The following RAPGEF1 variants were observed in gnomAD, a reference collection of about 807,000 sequenced individuals.
The protein encoded by RAPGEF1 is Rap guanine nucleotide exchange factor 1.
RAPGEF1 carries 33 observed loss-of-function variants against 143.3 expected under a neutral mutation model. That is an observed-to-expected ratio of 0.23 (90% CI 0.17 to 0.31). RAPGEF1 has a LOEUF of 0.31. Among genes scored for constraint, RAPGEF1 ranks in the 10% least tolerant of loss-of-function variants. The pLI is 1.00. For synonymous variants in RAPGEF1, 629 were observed against 676.5 expected (o/e 0.93, Z 1.09); for missense variants, 1,199 against 1,645.4 (o/e 0.73, Z 4.69).
intron 5 of RAPGEF1, among the ~76,000 whole-genome samples, chr9:131,632,949 C>G (rs1018681936): frequency 3.3e-5 from 5 of 152,164 alleles, no homozygotes; most frequent in Admixed American, 3.3e-4. Flanking sequence ...CTCAAGTGAT[C>G]CTCCTACTTT....
chr9:131,664,919 C>T (rs919658792), intron 1 of RAPGEF1, among the ~76,000 whole-genome samples: 1 of 152,166 alleles, frequency 6.6e-6, no homozygotes, highest in Non-Finnish European at 1.5e-5. Flanking sequence ...CTCATTTACA[C>T]AGAAATAAGT....
chr9:131,663,070 T>A (rs1175100295), intron 1 of RAPGEF1, among the ~76,000 whole-genome samples: 1 of 151,952 alleles, frequency 6.6e-6, no homozygotes. Flanking sequence ...TCGTCAACCG[T>A]TAACATTCTG....
intron 1 of RAPGEF1, among the ~76,000 whole-genome samples, chr9:131,711,347 G>C (rs967822201): frequency 6.9e-6 from 1 of 145,604 alleles, no homozygotes; most frequent in Non-Finnish European, 1.5e-5. Context: ...CCACTGCACT[G>C]TGCCTATTAT....
At chr9:131,713,933 T>A (rs2131230353) in intron 1 of RAPGEF1, among the ~76,000 whole-genome samples, 1 of 152,308 alleles carries the variant, frequency 6.6e-6, no homozygotes, top group East Asian at 1.9e-4. Context: ...TTATTTACCC[T>A]CACTAGGGAT....
intron 1 of RAPGEF1, among the ~76,000 whole-genome samples, chr9:131,662,694 A>T (rs544942488): frequency 2.0e-5 from 3 of 152,080 alleles, no homozygotes; most frequent in Non-Finnish European, 2.9e-5. Flanking sequence ...ATGAATCACC[A>T]TGCCTGGCTA....
At chr9:131,705,427 G>C (rs757997912) in intron 1 of RAPGEF1, among the ~76,000 whole-genome samples, 8 of 152,150 alleles carry the variant, frequency 5.3e-5, no homozygotes, top group Non-Finnish European at 1.2e-4. Context: ...ATTTGGAACA[G>C]GCCACTGTAG....
intron 1 of RAPGEF1, among the ~76,000 whole-genome samples, chr9:131,721,288 T>C (rs10901081): frequency 0.75 from 113,685 of 152,054 alleles, 43,141 homozygotes; most frequent in Non-Finnish European, 0.82. Flanking sequence ...TTAATAATGA[T>C]GCCAGGACAG....
Position 131,729,195 on chromosome 9 carries a change from G to A in RAPGEF1, c.61+10575C>T, listed in dbSNP as rs112819420. Among the ~76,000 whole-genome samples the A allele has an allele frequency of 1.5e-3, 222 of 152,340 alleles. 1 individual carries two copies. Among genetic ancestry groups the A allele is most frequent in the Middle Eastern group, 3.4e-3 (1 of 292 alleles). ...TCAGGCTCATGCTGCCTCTAACACGGATGAGGGTGTGAGAGCCAAGATCAA... is the reference window on the plus strand; with the variant it reads ...TCAGGCTCATGCTGCCTCTAACACGAATGAGGGTGTGAGAGCCAAGATCAA... On this transcript the variant is annotated intron_variant, in intron 1 of 26. Coordinates refer to ENST00000683357, the MANE Select transcript of RAPGEF1 (RefSeq NM_001377935.1).
chr9:131,739,866 C>G lies in RAPGEF1; in HGVS notation c.-36G>C. 2.0e-6 allele frequency: 2 copies of G among 993,760 alleles called. No individual in the cohort carries two copies. Among genetic ancestry groups the G allele is most frequent in the Non-Finnish European group, 2.4e-6 (2 of 837,828 alleles). 61.6% of individuals were successfully genotyped at this position (993,760 alleles called of 1,614,324 possible). ...CCGGGCCGCCGCGGGGCGACAGGGGCGGCGCGCCCGCCGCTCGCCTCGGCC... is the reference window on the plus strand; with the variant it reads ...CCGGGCCGCCGCGGGGCGACAGGGGGGGCGCGCCCGCCGCTCGCCTCGGCC... On this transcript the variant is annotated 5_prime_UTR_variant, in exon 1 of 27. Transcript: ENST00000683357.
chr9:131,636,459 A>C (rs1966407545), intron 5 of RAPGEF1, among the ~76,000 whole-genome samples: 1 of 152,186 alleles, frequency 6.6e-6, no homozygotes, highest in Non-Finnish European at 1.5e-5. Flanking sequence ...TTGAAAAATC[A>C]AGGAAATTTT....
rs569746794 is a variant in RAPGEF1 at position 131,723,759 on chromosome 9, G to A, written c.61+16011C>T. Among the ~76,000 whole-genome samples, 88 of 152,312 alleles carry A rather than the reference G, an allele frequency of 5.8e-4. 1 individual carries two copies. Among genetic ancestry groups the A allele is most frequent in the African/African-American group, 1.7e-3 (72 of 41,562 alleles). On this transcript the variant is annotated intron_variant, in intron 1 of 26. Coordinates refer to ENST00000683357, the MANE Select transcript of RAPGEF1 (RefSeq NM_001377935.1). ...AGATGGTACACAAAGGTCTCCTCGAGTCCCTGCTTTCCCTTCTTTTGCGTA... is the reference window on the plus strand; with the variant it reads ...AGATGGTACACAAAGGTCTCCTCGAATCCCTGCTTTCCCTTCTTTTGCGTA...
chr9:131,601,983 G>T, intron 15 of RAPGEF1, 78 bp downstream of exon 15: 1 of 986,748 alleles, frequency 1.0e-6, no homozygotes, highest in Non-Finnish European at 1.5e-6. Context: ...GGGCTAGCTG[G>T]GAGAGGCTGC....
chr9:131,684,853 A>G (rs35704524), intron 1 of RAPGEF1, among the ~76,000 whole-genome samples: 30,386 of 152,246 alleles, frequency 0.2, 3,814 homozygotes, highest in Non-Finnish European at 0.28. Flanking sequence ...GGAGGATCCC[A>G]AGGACCCCTC....
At position 131,662,210 on chromosome 9, in the gene RAPGEF1, C is replaced by T. The variant is rs113979585; in HGVS notation, c.62-11261G>A. Among the ~76,000 whole-genome samples the T allele has an allele frequency of 1.8e-3, 270 of 152,320 alleles. 4 individuals are homozygous for T. The highest frequency in any genetic ancestry group is 6.0e-3 in the African/African-American group (250 of 41,566). On this transcript the variant is annotated intron_variant, in intron 1 of 26. Coordinates refer to ENST00000683357, the MANE Select transcript of RAPGEF1 (RefSeq NM_001377935.1). ...CCAGGTTTCCTTCTGCTGTGTGTCA[C>T]TTCACGTCTGCACATACACATGGTA...
intron 12 of RAPGEF1, among the ~76,000 whole-genome samples, chr9:131,617,807 G>A (rs1249567349): frequency 6.6e-6 from 1 of 152,212 alleles, no homozygotes; most frequent in Non-Finnish European, 1.5e-5. Context: ...GGCCATGGGG[G>A]GAGAATTGCA....
chr9:131,604,788 G>C (rs1588370700), intron 13 of RAPGEF1, 143 bp downstream of exon 13: 2 of 1,134,828 alleles, frequency 1.8e-6, no homozygotes, highest in African/African-American at 3.3e-5. Flanking sequence ...CTGCCAGCAG[G>C]TGTGCGCTGG....
At chr9:131,713,185 C>T (rs187019966) in intron 1 of RAPGEF1, among the ~76,000 whole-genome samples, 1 of 152,190 alleles carries the variant, frequency 6.6e-6, no homozygotes, top group Non-Finnish European at 1.5e-5. Flanking sequence ...TGCACAAATA[C>T]GCCGAGAACG....
intron 1 of RAPGEF1, among the ~76,000 whole-genome samples, chr9:131,670,754 C>T (rs1831247536): frequency 6.6e-6 from 1 of 152,198 alleles, no homozygotes; most frequent in Non-Finnish European, 1.5e-5. Flanking sequence ...AACCAAGACA[C>T]TATTTTTAAA....
chr9:131,696,771 C>T (rs1834213985), intron 1 of RAPGEF1, among the ~76,000 whole-genome samples: 1 of 152,178 alleles, frequency 6.6e-6, no homozygotes, highest in Non-Finnish European at 1.5e-5. Context: ...ATACGAAATA[C>T]TACAAAGACG....
Sources: allele counts gnomAD v4.1 joint callset (sites outside exome capture counted in the v4.1 genomes callset), GRCh38; gene constraint gnomAD v4.1.1; transcripts MANE v1.5; gene names NCBI Gene and HGNC (gene_info 2026-07-23, HGNC 2026-07-21).